Variants in CNOT4 observed in about 807,000 individuals in gnomAD.
The protein encoded by CNOT4 is CCR4-associated factor 4.
Under a neutral mutation model 73.8 loss-of-function variants are expected in CNOT4, and 8 were observed. That is an observed-to-expected ratio of 0.11 (90% CI 0.06 to 0.20). The LOEUF is 0.20. CNOT4 is among the 10% of genes least tolerant of loss of function. The pLI, the probability that CNOT4 is intolerant of heterozygous loss-of-function variation, is 1.00. For missense variants in CNOT4, 564 were observed against 883.4 expected (o/e 0.64, Z 4.58); for synonymous variants, 293 against 321.1 (o/e 0.91, Z 0.94).
At chr7:135,443,075 G>T (rs948377004) in intron 1 of CNOT4, among the ~76,000 whole-genome samples, 4 of 150,212 alleles carry the variant, frequency 2.7e-5, no homozygotes, top group Non-Finnish European at 5.9e-5. Context: ...AATTCTGCAG[G>T]CACGCTGGCT....
At chr7:135,431,597 G>C (rs918809298) in intron 2 of CNOT4, among the ~76,000 whole-genome samples, 1 of 151,984 alleles carries the variant, frequency 6.6e-6, no homozygotes, top group African/African-American at 2.4e-5. Context: ...CAAAAAATTA[G>C]CCAGGTGTGG....
chr7:135,433,808 T>G (rs1274152463), intron 2 of CNOT4, among the ~76,000 whole-genome samples: 1 of 152,214 alleles, frequency 6.6e-6, no homozygotes, highest in Non-Finnish European at 1.5e-5. Context: ...ACCACCTATG[T>G]TCCCATATCT....
intron 1 of CNOT4, among the ~76,000 whole-genome samples, chr7:135,456,553 C>T (rs555899141): frequency 6.2e-4 from 95 of 152,056 alleles, no homozygotes; most frequent in Non-Finnish European, 1.0e-3. Flanking sequence ...AGGACTTGTT[C>T]CAGGACCTCC....
intron 10 of CNOT4, chr7:135,387,247 T>C (rs772370448): frequency 2.0e-6 from 2 of 984,740 alleles, no homozygotes; most frequent in Non-Finnish European, 2.4e-6. Context: ...AATTAGAGAT[T>C]GATGTTTATG....
At chr7:135,410,351 T>TTG (rs1340711644) in intron 7 of CNOT4, among the ~76,000 whole-genome samples, 164 bp downstream of exon 7, 1 of 152,118 alleles carries the variant, frequency 6.6e-6, no homozygotes, top group Admixed American at 6.6e-5. Context: ...GCAGCAAGCA[T>TTG]TCAAACCCAG....
At chr7:135,493,086 T>C (rs1239621742) in intron 1 of CNOT4, among the ~76,000 whole-genome samples, 2 of 152,154 alleles carry the variant, frequency 1.3e-5, no homozygotes, top group Non-Finnish European at 2.9e-5. Context: ...GGTGGACAAC[T>C]GCCCCATCTC....
intron 1 of CNOT4, among the ~76,000 whole-genome samples, chr7:135,476,174 T>C (rs1801981998): frequency 6.6e-6 from 1 of 152,072 alleles, no homozygotes; most frequent in Non-Finnish European, 1.5e-5. Context: ...AAGTGTCCAA[T>C]GGGAGAAGAT....
At chr7:135,495,547 G>C (rs1339301975) in intron 1 of CNOT4, among the ~76,000 whole-genome samples, 20 of 147,296 alleles carry the variant, frequency 1.4e-4, no homozygotes, top group Non-Finnish European at 2.5e-4. Context: ...GTGATGGCAT[G>C]CACCTACAGT....
At chr7:135,486,199 TA>T (rs1215637784) in intron 1 of CNOT4, among the ~76,000 whole-genome samples, 1 of 151,498 alleles carries the variant, frequency 6.6e-6, no homozygotes, top group Non-Finnish European at 1.5e-5. Context: ...CTCAAGAGAT[TA>T]AAAAAAATCT....
intron 1 of CNOT4, among the ~76,000 whole-genome samples, chr7:135,481,321 T>C (rs114341557): frequency 0.015 from 2,238 of 151,614 alleles, 58 homozygotes; most frequent in African/African-American, 0.051. Context: ...GGCCAACAAG[T>C]ATATGAAAAA....
At chr7:135,481,719 G>A (rs1802391484) in intron 1 of CNOT4, among the ~76,000 whole-genome samples, 1 of 152,104 alleles carries the variant, frequency 6.6e-6, no homozygotes, top group African/African-American at 2.4e-5. Flanking sequence ...ATGAAATAAA[G>A]AAAATGTAGT....
chr7:135,422,207 T>C lies in CNOT4; in HGVS notation c.321A>G (p.Gln107=). 3.7e-6 allele frequency: 6 copies of C among 1,612,456 alleles called. No homozygotes were observed. Among genetic ancestry groups the C allele is most frequent in the Non-Finnish European group, 4.2e-6 (5 of 1,178,494 alleles). ...AACCTACAACAAAGACGAGGTTTTT[T>C]TGTACGACACGTACACTAGCCAAAT... ...RKHLASVRVV[Q]KNLVFVVGLS... is the part of the protein sequence containing the mutation. The change falls in exon 3 of 12, where the codon CAA becomes CAG. Residue 107 remains glutamine, a synonymous_variant. Transcript: ENST00000541284.
At chr7:135,407,265 A>G (rs1453944920) in intron 7 of CNOT4, among the ~76,000 whole-genome samples, 3 of 152,230 alleles carry the variant, frequency 2.0e-5, no homozygotes, top group Non-Finnish European at 4.4e-5. Context: ...ATCCAGTCTC[A>G]AGTATTTCTT....
intron 1 of CNOT4, among the ~76,000 whole-genome samples, chr7:135,509,390 A>G (rs1354118839): frequency 6.6e-6 from 1 of 152,074 alleles, no homozygotes; most frequent in Non-Finnish European, 1.5e-5. Flanking sequence ...TGGAGCAAAA[A>G]AACAAGCAGC....
chr7:135,374,311 T>C (rs1223409775), intron 10 of CNOT4, among the ~76,000 whole-genome samples: 1 of 152,220 alleles, frequency 6.6e-6, no homozygotes. Context: ...AGTAATGTAT[T>C]CTTTGGATAG....
intron 10 of CNOT4, among the ~76,000 whole-genome samples, chr7:135,372,851 A>T (rs950692784): frequency 1.3e-5 from 2 of 152,160 alleles, no homozygotes; most frequent in Admixed American, 6.5e-5. Context: ...CACCGCACCC[A>T]GCCTGCTTCC....
At chr7:135,380,406 A>G (rs1409293334) in intron 10 of CNOT4, among the ~76,000 whole-genome samples, 1 of 152,162 alleles carries the variant, frequency 6.6e-6, no homozygotes, top group Non-Finnish European at 1.5e-5. Flanking sequence ...GACACTGGTA[A>G]TTTTGTAGTT....
rs1419116819 is a variant in CNOT4 at position 135,437,179 on chromosome 7, C to CTTTT, written c.174+975_174+978dup. Among the ~76,000 whole-genome samples, 199 of 127,084 alleles carry CTTTT rather than the reference C, an allele frequency of 1.6e-3. 1 individual carries two copies. Among genetic ancestry groups the CTTTT allele is most frequent in the African/African-American group, 4.8e-3 (185 of 38,654 alleles). The allele number at this position is 127,084 out of a possible 152,430, so 83.4% of individuals were successfully genotyped here. On this transcript the variant is annotated intron_variant, in intron 2 of 11. Transcript: ENST00000541284. The stretch of plus-strand genomic sequence containing the variant: ...AATAGATTTTTAGAGTTAGGAGGGG[C>CTTTT]TTTTCTTTTCTTTTCTTTTCTTTTT...
chr7:135,455,922 C>A (rs373647953), intron 1 of CNOT4, among the ~76,000 whole-genome samples: 1 of 152,108 alleles, frequency 6.6e-6, no homozygotes, highest in Non-Finnish European at 1.5e-5. Context: ...TATCTGAGAA[C>A]AGAATATTTT....
Sources: gnomAD v4.1 joint callset for allele counts (sites outside exome capture counted in the v4.1 genomes callset) on GRCh38, gnomAD v4.1.1 for gene constraint, MANE v1.5 for transcripts, NCBI Gene and HGNC (gene_info 2026-07-23, HGNC 2026-07-21) for gene names.